ERC1: variants seen among roughly 807,000 people sequenced by gnomAD.
ERC1 encodes the protein ELKS/RAB6-interacting/CAST family member 1.
A neutral mutation model predicts 132.0 loss-of-function variants in ERC1; 56 were observed. The observed-to-expected ratio is 0.42, with a 90% CI of 0.34 to 0.53. ERC1 has a LOEUF of 0.53. Ranked by LOEUF, ERC1 falls within the 20% of genes least tolerant of loss-of-function variation. The pLI is 0.03. For missense variants in ERC1, 1,202 were observed against 1,349.9 expected (o/e 0.89, Z 1.72); for synonymous variants, 478 against 476.1 (o/e 1.00, Z -0.05).
intron 1 of ERC1, among the ~76,000 whole-genome samples, chr12:1,017,761 A>G (rs938010744): frequency 6.6e-6 from 1 of 152,132 alleles, no homozygotes; most frequent in Admixed American, 6.6e-5. Flanking sequence ...AGCCTCCCAA[A>G]GTGCTAGGAT....
intron 13 of ERC1, among the ~76,000 whole-genome samples, chr12:1,258,779 A>G (rs2076965094): frequency 6.6e-6 from 1 of 152,256 alleles, no homozygotes; most frequent in Non-Finnish European, 1.5e-5. Flanking sequence ...ATTCTGACCC[A>G]CTTCTGTAAA....
chr12:1,169,198 T>C (rs1219146551), intron 8 of ERC1, among the ~76,000 whole-genome samples: 5 of 151,250 alleles, frequency 3.3e-5, no homozygotes, highest in African/African-American at 4.8e-5. Context: ...TGGTGGATGC[T>C]GCGATGATCG....
chr12:1,066,821 A>C lies in ERC1; in HGVS notation c.670-16343A>C, dbSNP rs1256830439. Among the ~76,000 whole-genome samples the C allele has an allele frequency of 3.7e-5, 5 of 135,666 alleles. No individual in the cohort carries two copies. The East Asian group carries it at 1.1e-3, about 29-fold the overall frequency. 89.0% of individuals were successfully genotyped at this position (135,666 alleles called of 152,430 possible). A position where few individuals can be genotyped will look rare whatever the true frequency, so the allele number is the denominator to read the frequency against. ...CATTGTAGTCCAGCCTGGGCAACAG[A>C]GCGAGACTCTGTCTCAAAAAAAAAA... is the stretch of plus-strand genomic sequence containing the variant. On this transcript the variant is annotated intron_variant, in intron 2 of 18. Coordinates refer to ENST00000360905, the MANE Select transcript of ERC1 (RefSeq NM_178040.4).
At chr12:1,001,170 G>A (rs61088399) in intron 1 of ERC1, among the ~76,000 whole-genome samples, 33,770 of 152,172 alleles carry the variant, frequency 0.22, 4,030 homozygotes, top group Admixed American at 0.3. Flanking sequence ...CCAAAGTGCT[G>A]GGATTACAGG....
At chr12:1,281,954 G>A (rs2078708885) in intron 14 of ERC1, among the ~76,000 whole-genome samples, 1 of 151,976 alleles carries the variant, frequency 6.6e-6, no homozygotes. Flanking sequence ...ATTTTATTGT[G>A]TCTTATTTTT....
At position 1,062,083 on chromosome 12, in the gene ERC1, C is replaced by T. The variant is rs549084114; in HGVS notation, c.670-21081C>T. Among the ~76,000 whole-genome samples the T allele has an allele frequency of 4.0e-5, 6 of 150,146 alleles. No individual in the cohort carries two copies. In the South Asian group the frequency reaches 1.1e-3, roughly 26 times the overall value. ...TCGGCTCACTGCAAGCTCTGCCTCC[C>T]GGGTTCACTCCCACCTCAGCCTCCC... is the stretch of plus-strand genomic sequence containing the variant. On this transcript the variant is annotated intron_variant, in intron 2 of 18. Coordinates refer to ENST00000360905, the MANE Select transcript of ERC1 (RefSeq NM_178040.4).
At chr12:1,063,411 C>T (rs192469553) in intron 2 of ERC1, among the ~76,000 whole-genome samples, 4 of 152,170 alleles carry the variant, frequency 2.6e-5, no homozygotes, top group African/African-American at 9.7e-5. Flanking sequence ...CAGGCATGTG[C>T]CACCACGCCT....
intron 10 of ERC1, among the ~76,000 whole-genome samples, chr12:1,182,954 C>A (rs181729600): frequency 6.6e-6 from 1 of 152,050 alleles, no homozygotes; most frequent in Non-Finnish European, 1.5e-5. Context: ...GGTATCTGGC[C>A]GAAAAATGTT....
At chr12:1,228,107 A>G (rs111988127) in intron 12 of ERC1, among the ~76,000 whole-genome samples, 2,337 of 152,250 alleles carry the variant, frequency 0.015, 49 homozygotes, top group African/African-American at 0.053. Flanking sequence ...TCTTACTCAC[A>G]ATTGGCTATT....
Position 1,483,668 on chromosome 12 carries a change from C to CTTTTTT in ERC1, c.3214-6392_3214-6387dup, listed in dbSNP as rs35596394. Among the ~76,000 whole-genome samples, 60 of 55,216 alleles carry CTTTTTT rather than the reference C, an allele frequency of 1.1e-3. 22 individuals carry two copies. The highest frequency in any genetic ancestry group is 1.8e-3 in the Non-Finnish European group (51 of 28,118). 36.2% of individuals were successfully genotyped at this position (55,216 alleles called of 152,430 possible). A position where few individuals can be genotyped will look rare whatever the true frequency, so the allele number is the denominator to read the frequency against. On this transcript the variant is annotated intron_variant, in intron 18 of 18. Transcript: ENST00000360905. Reference sequence around the variant, plus strand: ...CAAAACTCCTTCCAGCCACTGAGAGCTTTTTTTTTTTTTTTTTTTTTTTTT... The same window carrying CTTTTTT: ...CAAAACTCCTTCCAGCCACTGAGAGCTTTTTTTTTTTTTTTTTTTTTTTTTTTTTTT...
intron 17 of ERC1, among the ~76,000 whole-genome samples, chr12:1,419,391 A>G (rs1439030494): frequency 2.6e-5 from 4 of 151,452 alleles, no homozygotes; most frequent in African/African-American, 9.7e-5. Context: ...TGTAGATATG[A>G]CATACCTTTC....
intron 1 of ERC1, among the ~76,000 whole-genome samples, chr12:1,023,340 A>G: frequency 6.6e-6 from 1 of 152,194 alleles, no homozygotes; most frequent in Middle Eastern, 3.2e-3. Flanking sequence ...GAGGACTCTC[A>G]GGCTCTGGCT....
chr12:1,410,823 G>A (rs1311950261), intron 17 of ERC1, among the ~76,000 whole-genome samples: 1 of 151,600 alleles, frequency 6.6e-6, no homozygotes, highest in Non-Finnish European at 1.5e-5. Flanking sequence ...ATATGAAATT[G>A]GCAATAGAAA....
At chr12:1,009,324 G>A (rs1399914908) in intron 1 of ERC1, among the ~76,000 whole-genome samples, 2 of 152,042 alleles carry the variant, frequency 1.3e-5, no homozygotes, top group East Asian at 1.9e-4. Flanking sequence ...ACAGGTGCCC[G>A]CCACCACGCC....
intron 12 of ERC1, among the ~76,000 whole-genome samples, chr12:1,193,538 A>T (rs187764038): frequency 6.9e-4 from 105 of 152,088 alleles, no homozygotes; most frequent in African/African-American, 2.4e-3. Context: ...ACGTATATTT[A>T]TATATATTAA....
At chr12:1,323,168 C>T (rs1371421278) in intron 15 of ERC1, among the ~76,000 whole-genome samples, 3 of 140,236 alleles carry the variant, frequency 2.1e-5, no homozygotes, top group Admixed American at 7.0e-5. Context: ...TAATTTTGGA[C>T]GTAAGTGTGC....
intron 6 of ERC1, among the ~76,000 whole-genome samples, chr12:1,114,984 C>T (rs903214635): frequency 2.6e-5 from 4 of 152,142 alleles, no homozygotes; most frequent in African/African-American, 9.7e-5. Flanking sequence ...ATTACAATTA[C>T]AATACTTTAG....
intron 18 of ERC1, among the ~76,000 whole-genome samples, chr12:1,487,809 C>CAAGAGA (rs113641282): frequency 2.7e-5 from 4 of 145,644 alleles, no homozygotes; most frequent in Admixed American, 6.9e-5. Flanking sequence ...AGAAAAGAAA[C>CAAGAGA]GAGAGAGAGA....
chr12:1,312,874 G>A (rs148944146), intron 15 of ERC1, among the ~76,000 whole-genome samples: 387 of 152,078 alleles, frequency 2.5e-3, no homozygotes, highest in African/African-American at 8.8e-3. Flanking sequence ...CACTTTCACT[G>A]TAACATTTAT....
Sources: allele counts gnomAD v4.1 joint callset (sites outside exome capture counted in the v4.1 genomes callset), GRCh38; gene constraint gnomAD v4.1.1; transcripts MANE v1.5; gene names NCBI Gene and HGNC (gene_info 2026-07-23, HGNC 2026-07-21).